IQSEC1: variants seen among roughly 807,000 people sequenced by gnomAD.
The protein encoded by IQSEC1 is IQ motif and Sec7 domain ArfGEF 1, also known as IQ motif and SEC7 domain-containing protein 1.
A neutral mutation model predicts 91.0 loss-of-function variants in IQSEC1; 31 were observed. The observed-to-expected ratio is 0.34, with a 90% CI of 0.26 to 0.46. IQSEC1 has a LOEUF of 0.46. Ranked by LOEUF, IQSEC1 falls within the 20% of genes least tolerant of loss-of-function variation. The probability of loss-of-function intolerance (pLI) is 1.00; values close to 1 mark genes in which losing one functional copy is unlikely to be tolerated. For synonymous variants in IQSEC1, 699 were observed against 662.6 expected, an observed-to-expected ratio of 1.05 and a Z score of -0.84; for missense variants, 1,388 against 1,575.6, an observed-to-expected ratio of 0.88 and a Z score of 2.02.
intron 1 of IQSEC1, among the ~76,000 whole-genome samples, chr3:13,044,619 G>A (rs1412627028): frequency 6.6e-6 from 1 of 152,242 alleles, no homozygotes; most frequent in African/African-American, 2.4e-5. Context: ...TCTGCCGAGT[G>A]TGATGAGCCT....
chr3:12,998,659 TA>T (rs549582947), intron 1 of IQSEC1, among the ~76,000 whole-genome samples: 1,949 of 150,396 alleles, frequency 0.013, 45 homozygotes, highest in Non-Finnish European at 0.012. Context: ...AATCTGGAAT[TA>T]AAAAAAAAGA....
intron 6 of IQSEC1, among the ~76,000 whole-genome samples, chr3:12,918,392 C>A (rs550669968): frequency 1.3e-3 from 197 of 152,370 alleles, no homozygotes; most frequent in Admixed American, 5.0e-3. Context: ...GAGGTACAGA[C>A]TGGCCGCCAC....
chr3:13,023,801 C>G (rs888285923), intron 1 of IQSEC1, among the ~76,000 whole-genome samples: 2 of 152,190 alleles, frequency 1.3e-5, no homozygotes, highest in Non-Finnish European at 2.9e-5. Flanking sequence ...ACTCGGAAAC[C>G]CAAATTCTTC....
intron 1 of IQSEC1, among the ~76,000 whole-genome samples, chr3:13,182,642 A>G (rs945320500): frequency 6.6e-6 from 1 of 152,214 alleles, no homozygotes; most frequent in African/African-American, 2.4e-5. Context: ...GGGACAAAAA[A>G]CAAACCTTAA....
chr3:12,902,678 A>AAAAAAAAAAAAAAAAAAACAAAAAAC, intron 13 of IQSEC1, 95 bp downstream of exon 13: 1 of 609,800 alleles, frequency 1.6e-6, no homozygotes, highest in Non-Finnish European at 2.8e-6. Flanking sequence ...ACCAAAAAAA[A>AAAAAAAAAAAAAAAAAAACAAAAAAC]AAAAAAAAAA....
intron 1 of IQSEC1, among the ~76,000 whole-genome samples, chr3:13,046,373 G>A (rs963625322): frequency 7.9e-5 from 12 of 152,200 alleles, no homozygotes; most frequent in Admixed American, 5.9e-4. Context: ...CGCACGCGGC[G>A]GGGCTGCCAG....
rs570570525 is a variant in IQSEC1 at position 12,938,628 on chromosome 3, A to G, written c.319-1931T>C. ...TTTTTGGGTTGTGAGTGGAGCTTAG[A>G]AAGCCCCTGGGGCCCATAAGAGGCC... On this transcript the variant is annotated intron_variant, in intron 2 of 13. Coordinates refer to ENST00000613206, the MANE Select transcript of IQSEC1 (RefSeq NM_001134382.3). Among the ~76,000 whole-genome samples the G allele has an allele frequency of 3.9e-5, 6 of 152,276 alleles. No homozygotes were observed. The East Asian group carries it at 9.7e-4, about 25-fold the overall frequency.
chr3:13,244,292 G>T (rs372832008), intron 1 of IQSEC1, among the ~76,000 whole-genome samples: 8 of 152,124 alleles, frequency 5.3e-5, no homozygotes, highest in East Asian at 3.9e-4. Context: ...TCCCAGATTC[G>T]AGCGATTCTC....
chr3:13,080,998 T>C (rs1705639268), intron 2 of IQSEC1, among the ~76,000 whole-genome samples: 1 of 152,228 alleles, frequency 6.6e-6, no homozygotes, highest in Non-Finnish European at 1.5e-5. Context: ...ATGTCCAATA[T>C]TGGGAGCTGG....
rs796412810 is a variant in IQSEC1, at chr3:13,071,153, GT to G, written c.23+1838del. Among the ~76,000 whole-genome samples, 312 of 90,966 alleles carry G rather than the reference GT, an allele frequency of 3.4e-3. 5 individuals carry two copies. Among genetic ancestry groups the G allele is most frequent in the African/African-American group, 0.011 (297 of 26,126 alleles). The allele number at this position is 90,966 out of a possible 152,430, so 59.7% of individuals were successfully genotyped here. ...GGTGGGACCCACACAGTTTTTTTTT[GT>G]TTTTTTTTTTTTGTTTGTTTCTTTA... is the stretch of plus-strand genomic sequence containing the variant. On this transcript the variant is annotated intron_variant, in intron 1 of 13. Transcript: ENST00000613206.
chr3:13,185,520 G>T (rs918984705), intron 1 of IQSEC1, among the ~76,000 whole-genome samples: 1 of 152,230 alleles, frequency 6.6e-6, no homozygotes, highest in South Asian at 2.1e-4. Flanking sequence ...AGATATTTCA[G>T]TGTGAAGGCA....
intron 1 of IQSEC1, among the ~76,000 whole-genome samples, chr3:13,165,020 G>A (rs1255567634): frequency 6.6e-6 from 1 of 152,190 alleles, no homozygotes; most frequent in Non-Finnish European, 1.5e-5. Flanking sequence ...CGACCCTTCA[G>A]CATAGAAAGC....
chr3:12,958,434 G>C (rs1250501675), intron 1 of IQSEC1, among the ~76,000 whole-genome samples: 1 of 152,202 alleles, frequency 6.6e-6, no homozygotes, highest in African/African-American at 2.4e-5. Flanking sequence ...TCATAAAATG[G>C]GAGTATTGTC....
chr3:12,957,660 C>T (rs2600327), intron 1 of IQSEC1, among the ~76,000 whole-genome samples: 120,654 of 152,248 alleles, frequency 0.79, 48,742 homozygotes, highest in African/African-American at 0.94. Flanking sequence ...ATGCCCATCG[C>T]GCAGAAGGCC....
chr3:13,210,476 G>A (rs1262901616), intron 1 of IQSEC1, among the ~76,000 whole-genome samples: 2 of 152,168 alleles, frequency 1.3e-5, no homozygotes, highest in African/African-American at 4.8e-5. Context: ...GGCACCAGCT[G>A]CCAGGCCACC....
intron 1 of IQSEC1, among the ~76,000 whole-genome samples, chr3:13,205,446 C>T (rs1467777499): frequency 3.3e-5 from 5 of 151,980 alleles, no homozygotes; most frequent in African/African-American, 4.8e-5. Flanking sequence ...GAGATGCTTC[C>T]GGACCACCTC....
chr3:13,056,655 A>C (rs192676557), intron 1 of IQSEC1, among the ~76,000 whole-genome samples: 2 of 150,986 alleles, frequency 1.3e-5, no homozygotes, highest in Admixed American at 1.3e-4. Context: ...CGCACCACCC[A>C]TAGTCAGCTC....
At chr3:12,923,305 A>G (rs529128756) in intron 4 of IQSEC1, among the ~76,000 whole-genome samples, 10 of 152,090 alleles carry the variant, frequency 6.6e-5, no homozygotes, top group Admixed American at 2.6e-4. Context: ...CAGCATAGGA[A>G]TGGCTGCAGG....
At chr3:13,021,329 C>T (rs1703388514) in intron 1 of IQSEC1, among the ~76,000 whole-genome samples, 1 of 152,246 alleles carries the variant, frequency 6.6e-6, no homozygotes, top group Non-Finnish European at 1.5e-5. Flanking sequence ...CTTTCATTCT[C>T]ACCATGCAGG....
Sources: gnomAD v4.1 joint callset for allele counts (sites outside exome capture counted in the v4.1 genomes callset) on GRCh38, gnomAD v4.1.1 for gene constraint, MANE v1.5 for transcripts, NCBI Gene and HGNC (gene_info 2026-07-23, HGNC 2026-07-21) for gene names.